Variants in HABP4 observed in about 807,000 individuals in gnomAD.
HABP4 encodes hyaluronan binding protein 4.
HABP4 carries 32 observed loss-of-function variants against 44.1 expected under a neutral mutation model. The ratio of observed to expected loss-of-function variants is 0.73; its 90% CI spans 0.55 to 0.97. The LOEUF (loss-of-function observed/expected upper bound fraction) is 0.97, where lower values mean the gene tolerates loss of function less well. Ranked by LOEUF, HABP4 falls within the 50% of genes least tolerant of loss-of-function variation. HABP4 has a pLI of 0.00. For missense variants in HABP4, 503 were observed against 561.9 expected, an observed-to-expected ratio of 0.90 and a Z score of 1.06; for synonymous variants, 216 against 218.0, an observed-to-expected ratio of 0.99 and a Z score of 0.08.
rs1197815322 is a variant in HABP4 at position 96,458,524 on chromosome 9, G to T, written c.495G>T (p.Glu165Asp). Reference protein sequence around the residue: ...ETERQADFTAEKFPDEKPGDR... With the variant: ...ETERQADFTADKFPDEKPGDR... ...AGAGGCAGGCAGACTTCACAGCTGA[G>T]AAGTTTCCAGATGAAAAGTATGTGC... Residue 165 changes from glutamate (E) to aspartate (D), a missense_variant, in exon 2 of 8, where the codon GAG (glutamate) becomes GAT (aspartate). Physicochemically the swap from Glu to Asp is conservative, Grantham distance 45. This residue lies in a region of HABP4 where 290 missense variants were observed against 300.5 expected (regional missense o/e 0.97). Coordinates refer to ENST00000375249, the MANE Select transcript of HABP4 (RefSeq NM_014282.4). The T allele has an allele frequency of 6.2e-7, 1 of 1,613,118 alleles. No individual in the cohort carries two copies. Among genetic ancestry groups the T allele is most frequent in the African/African-American group, 1.3e-5 (1 of 74,904 alleles).
intron 4 of HABP4, among the ~76,000 whole-genome samples, chr9:96,470,224 T>C (rs1832671011): frequency 6.6e-6 from 1 of 152,066 alleles, no homozygotes; most frequent in South Asian, 2.1e-4. Flanking sequence ...TGGGAAGTTC[T>C]CTTGAGCCCG....
intron 1 of HABP4, among the ~76,000 whole-genome samples, chr9:96,453,459 C>T (rs1393433823): frequency 6.6e-6 from 1 of 152,118 alleles, no homozygotes; most frequent in African/African-American, 2.4e-5. Context: ...GATCCGCCCG[C>T]CTCAGCCTCC....
rs1833078759 is a variant in HABP4, at chr9:96,490,756, A to C, written c.*718A>C. ...TGTGACTTCAAAAACCATGTTATTT[A>C]ACCTGCCAATCAAATGGAAAGGGAT... On this transcript the variant is annotated 3_prime_UTR_variant, in exon 8 of 8. Coordinates refer to ENST00000375249, the MANE Select transcript of HABP4 (RefSeq NM_014282.4). 6.6e-6 allele frequency: 1 copy of C among 152,196 alleles called. No homozygotes were observed. The highest frequency in any genetic ancestry group is 1.5e-5 in the Non-Finnish European group (1 of 68,038). The allele number at this position is 152,196 out of a possible 1,614,324, so 9.4% of individuals were successfully genotyped here. A position where few individuals can be genotyped will look rare whatever the true frequency, so the allele number is the denominator to read the frequency against.
intron 6 of HABP4, among the ~76,000 whole-genome samples, chr9:96,486,784 C>A (rs772656680): frequency 5.9e-5 from 9 of 152,034 alleles, no homozygotes; most frequent in Non-Finnish European, 1.3e-4. Context: ...AACAACCTCG[C>A]GTAAGGCACT....
At chr9:96,458,601 T>C in intron 2 of HABP4, 60 bp downstream of exon 2, 1 of 1,096,338 alleles carries the variant, frequency 9.1e-7, no homozygotes, top group East Asian at 2.4e-5. Context: ...GAGAAAATGC[T>C]ACTTTCTTTT....
chr9:96,474,000 C>T (rs1832738259), intron 5 of HABP4, among the ~76,000 whole-genome samples: 1 of 152,126 alleles, frequency 6.6e-6, no homozygotes, highest in South Asian at 2.1e-4. Flanking sequence ...AACGTACCTA[C>T]ATTATAGGGT....
Position 96,450,520 on chromosome 9 carries a change from C to T in HABP4, c.241C>T (p.His81Tyr). 8.2e-7 allele frequency: 1 copy of T among 1,224,326 alleles called. No homozygotes were observed. The allele number at this position is 1,224,326 out of a possible 1,614,324, so 75.8% of individuals were successfully genotyped here. Residue 81 changes from histidine to tyrosine, a missense_variant, in exon 1 of 8, where the codon CAC (histidine) becomes TAC (tyrosine). Physicochemically the swap from His to Tyr is moderately conservative, Grantham distance 83. Transcript: ENST00000375249. The surrounding 1 kb of genome is among the most constrained non-coding windows in gnomAD (Gnocchi z 4.8). ...GGRSPAGASG[H>Y]RAGAGGRRES... ...CAGGAGCCCAGCCGGGGCCTCGGGCCACAGAGCCGGCGCGGGCGGCCGGAG... is the reference window on the plus strand; with the variant it reads ...CAGGAGCCCAGCCGGGGCCTCGGGCTACAGAGCCGGCGCGGGCGGCCGGAG...
intron 5 of HABP4, chr9:96,484,183 T>C: frequency 3.9e-6 from 1 of 255,666 alleles, no homozygotes; most frequent in Non-Finnish European, 7.5e-6. Flanking sequence ...GGAGTGCCAG[T>C]GGTGAAGTGT....
chr9:96,450,276 C>T lies in HABP4; in HGVS notation c.-4C>T. ...CCTCCCGGGCCCGCAGTGGTCGCGGCGGCATGAAGGGCGCTCTGGGGAGTC... is the reference window on the plus strand; with the variant it reads ...CCTCCCGGGCCCGCAGTGGTCGCGGTGGCATGAAGGGCGCTCTGGGGAGTC... On this transcript the variant is annotated 5_prime_UTR_variant, in exon 1 of 8. Coordinates refer to ENST00000375249, the MANE Select transcript of HABP4 (RefSeq NM_014282.4). The surrounding 1 kb of genome is among the most constrained non-coding windows in gnomAD (Gnocchi z 4.8). 1 of 1,436,262 alleles carries T rather than the reference C, an allele frequency of 7.0e-7. No individual in the cohort carries two copies. The highest frequency in any genetic ancestry group is 2.5e-5 in the Admixed American group (1 of 40,226). The allele number at this position is 1,436,262 out of a possible 1,614,324, so 89.0% of individuals were successfully genotyped here.
At chr9:96,487,416 T>G (rs781034727) in intron 6 of HABP4, among the ~76,000 whole-genome samples, 9 of 152,200 alleles carry the variant, frequency 5.9e-5, no homozygotes, top group Admixed American at 2.6e-4. Context: ...TCACAAGAGA[T>G]AGAATTTTAA....
At position 96,484,602 on chromosome 9, in the gene HABP4, T is replaced by C; in HGVS notation, c.968T>C (p.Val323Ala). Residue 323 changes from valine to alanine, a missense_variant, in exon 6 of 8, where the codon GTG becomes GCG. This residue lies in a region of HABP4 where 131 missense variants were observed against 189.8 expected (regional missense o/e 0.69). Transcript: ENST00000375249. ...KPESTVPSKA[V>A]VIHKSKYRDD... The stretch of plus-strand genomic sequence containing the variant: ...GAATCCACTGTTCCTTCCAAAGCCG[T>C]GGTGATTCACAAGTCAAAATACAGA... 1 of 1,598,064 alleles carries C rather than the reference T, an allele frequency of 6.3e-7. No homozygotes were observed. Among genetic ancestry groups the C allele is most frequent in the Non-Finnish European group, 8.6e-7 (1 of 1,165,456 alleles).
At chr9:96,478,352 C>T (rs896679305) in intron 5 of HABP4, among the ~76,000 whole-genome samples, 4 of 152,130 alleles carry the variant, frequency 2.6e-5, no homozygotes, top group Non-Finnish European at 5.9e-5. Context: ...AGGCTGGTCT[C>T]GAACTCCTGA....
At chr9:96,477,781 T>G (rs1339648050) in intron 5 of HABP4, among the ~76,000 whole-genome samples, 1 of 152,226 alleles carries the variant, frequency 6.6e-6, no homozygotes, top group Non-Finnish European at 1.5e-5. Context: ...TGTACACTTG[T>G]GAAACTATCA....
Position 96,450,563 on chromosome 9 carries a change from G to A in HABP4, c.284G>A (p.Arg95His). The change falls in exon 1 of 8, where the codon CGC becomes CAC. Residue 95 changes from arginine to histidine, a missense_variant. Around this residue, in one of 3 missense-constraint regions of HABP4, gnomAD observed 290 missense variants for 300.5 expected, o/e 0.97. Transcript: ENST00000375249. This position sits in a 1 kb window ranked among gnomAD's most constrained non-coding sequence, Gnocchi z 4.8. The stretch of plus-strand genomic sequence containing the variant: ...GGCCGGAGGGAGTCGCAGAAGGAGC[G>A]CAAGAGCCTCCCGGCGCCCGTCGCT... The part of the protein sequence containing the change: ...AGGRRESQKE[R>H]KSLPAPVAQR... 7.8e-7 allele frequency: 1 copy of A among 1,275,960 alleles called. No homozygotes were observed. The highest frequency in any genetic ancestry group is 9.9e-7 in the Non-Finnish European group (1 of 1,011,578). The allele number at this position is 1,275,960 out of a possible 1,614,324, so 79.0% of individuals were successfully genotyped here. A position where few individuals can be genotyped will look rare whatever the true frequency, so the allele number is the denominator to read the frequency against.
Position 96,464,476 on chromosome 9 carries a change from G to A in HABP4, c.513-861G>A, listed in dbSNP as rs547798683. ...TCCGTATAGAGCACCAAGACAAGTGGTTAGGCACGAGAGGCAGACGGAGAA... is the reference window on the plus strand; with the variant it reads ...TCCGTATAGAGCACCAAGACAAGTGATTAGGCACGAGAGGCAGACGGAGAA... On this transcript the variant is annotated intron_variant, in intron 2 of 7. Coordinates refer to ENST00000375249, the MANE Select transcript of HABP4 (RefSeq NM_014282.4). 4.6e-5 allele frequency among the ~76,000 whole-genome samples: 7 copies of A among 152,350 alleles called. 1 individual carries two copies. In the East Asian group the frequency reaches 1.2e-3, roughly 25 times the overall value.
chr9:96,450,458 A>AGGCGGC lies in HABP4; in HGVS notation c.189_194dup (p.Ala64_Ala65dup), dbSNP rs753920168. On this transcript the variant is annotated inframe_insertion, in exon 1 of 8. Coordinates refer to ENST00000375249, the MANE Select transcript of HABP4 (RefSeq NM_014282.4). The surrounding 1 kb of genome is among the most constrained non-coding windows in gnomAD (Gnocchi z 4.8). ...CAGCTGCAGCGCAAGAGGCGCGACG[A>AGGCGGC]GGCGGCGGCGGCGGCCGGGGCCGGT... 305 of 1,220,836 alleles carry AGGCGGC rather than the reference A, an allele frequency of 2.5e-4. No homozygotes were observed. The highest frequency in any genetic ancestry group is 2.8e-4 in the Middle Eastern group (1 of 3,594). 75.6% of individuals were successfully genotyped at this position (1,220,836 alleles called of 1,614,324 possible). A position where few individuals can be genotyped will look rare whatever the true frequency, so the allele number is the denominator to read the frequency against.
intron 5 of HABP4, among the ~76,000 whole-genome samples, chr9:96,482,753 A>G (rs1483277053): frequency 1.3e-5 from 2 of 152,234 alleles, no homozygotes; most frequent in African/African-American, 4.8e-5. Flanking sequence ...CATACACAGA[A>G]GTCTTTTCTG....
At chr9:96,485,437 C>G (rs1832957766) in intron 6 of HABP4, among the ~76,000 whole-genome samples, 1 of 152,242 alleles carries the variant, frequency 6.6e-6, no homozygotes, top group Non-Finnish European at 1.5e-5. Context: ...TTTGCGCCCC[C>G]TGCCTAACTG....
chr9:96,457,400 T>C (rs1832413859), intron 1 of HABP4, among the ~76,000 whole-genome samples: 2 of 152,058 alleles, frequency 1.3e-5, no homozygotes, highest in Admixed American at 1.3e-4. Flanking sequence ...GTCCAAGTGC[T>C]GGACTGAGTG....
Sources: allele counts gnomAD v4.1 joint callset (sites outside exome capture counted in the v4.1 genomes callset), GRCh38; gene constraint gnomAD v4.1.1; regional missense constraint gnomAD v4.1.1; non-coding constraint Gnocchi (gnomAD v3.1); transcripts MANE v1.5; gene names NCBI Gene and HGNC (gene_info 2026-07-23, HGNC 2026-07-21).